Variants in PARD3 observed in about 807,000 individuals in gnomAD.
The protein encoded by PARD3 is par-3 family cell polarity regulator, also known as partitioning defective 3 homolog.
PARD3 carries 75 observed loss-of-function variants against 155.4 expected under a neutral mutation model. The observed-to-expected ratio is 0.48, with a 90% CI of 0.40 to 0.58. PARD3 has a LOEUF of 0.58. Ranked by LOEUF, PARD3 falls within the 20% of genes least tolerant of loss-of-function variation. The probability of loss-of-function intolerance (pLI) is 0.00; values close to 1 mark genes in which losing one functional copy is unlikely to be tolerated. For missense variants in PARD3, 1,642 were observed against 1,721.7 expected (o/e 0.95, Z 0.82); for synonymous variants, 576 against 610.5 (o/e 0.94, Z 0.83).
chr10:34,633,045 T>A (rs1323737124), intron 2 of PARD3, among the ~76,000 whole-genome samples: 1 of 152,250 alleles, frequency 6.6e-6, no homozygotes, highest in Non-Finnish European at 1.5e-5. Flanking sequence ...TTTCTTAAAT[T>A]TCTCTTGTAT....
At chr10:34,491,946 C>CA (rs2079939579) in intron 3 of PARD3, among the ~76,000 whole-genome samples, 1 of 152,210 alleles carries the variant, frequency 6.6e-6, no homozygotes, top group South Asian at 2.1e-4. Context: ...GCAGCATTTC[C>CA]AGTAGGCTTA....
At chr10:34,489,268 T>C (rs2079710706) in intron 3 of PARD3, among the ~76,000 whole-genome samples, 1 of 152,126 alleles carries the variant, frequency 6.6e-6, no homozygotes. Flanking sequence ...TCGTTTGAAC[T>C]GGAAGGCCAA....
At chr10:34,197,046 C>T (rs986569969) in intron 22 of PARD3, among the ~76,000 whole-genome samples, 2 of 152,118 alleles carry the variant, frequency 1.3e-5, no homozygotes, top group Non-Finnish European at 2.9e-5. Flanking sequence ...CATCCTGTGC[C>T]TTCCCATCTG....
intron 14 of PARD3, among the ~76,000 whole-genome samples, chr10:34,351,976 G>C (rs982855419): frequency 5.3e-5 from 8 of 152,104 alleles, no homozygotes; most frequent in African/African-American, 1.9e-4. Context: ...CATTCTAAGA[G>C]GGTTAAGCCT....
chr10:34,248,701 G>C (rs1043937342), intron 22 of PARD3, among the ~76,000 whole-genome samples: 1 of 152,202 alleles, frequency 6.6e-6, no homozygotes, highest in Non-Finnish European at 1.5e-5. Flanking sequence ...CTGTGAAGCC[G>C]CAAAGGCAGG....
chr10:34,446,880 T>C (rs1480291446), intron 5 of PARD3, among the ~76,000 whole-genome samples: 2 of 152,210 alleles, frequency 1.3e-5, no homozygotes, highest in Admixed American at 6.5e-5. Context: ...AGATGAAATA[T>C]GTAAAACATT....
At chr10:34,508,602 A>G (rs190426838) in intron 3 of PARD3, among the ~76,000 whole-genome samples, 1 of 152,360 alleles carries the variant, frequency 6.6e-6, no homozygotes, top group Admixed American at 6.5e-5. Flanking sequence ...CTTGGACTCA[A>G]TGATTTGCAC....
At chr10:34,673,717 A>G (rs980380963) in intron 2 of PARD3, among the ~76,000 whole-genome samples, 13 of 152,222 alleles carry the variant, frequency 8.5e-5, no homozygotes, top group Admixed American at 2.6e-4. Flanking sequence ...TTAGGAATCA[A>G]AGTTATTCTC....
intron 19 of PARD3, among the ~76,000 whole-genome samples, chr10:34,326,625 TGA>T (rs1220733975): frequency 6.6e-6 from 1 of 152,216 alleles, no homozygotes. Flanking sequence ...GGTAGAATAC[TGA>T]GAGTAGAAAA....
intron 20 of PARD3, among the ~76,000 whole-genome samples, chr10:34,298,769 AATG>A (rs1471016797): frequency 3.9e-5 from 6 of 152,234 alleles, no homozygotes; most frequent in African/African-American, 1.4e-4. Context: ...CACGATTTAA[AATG>A]ATAACAACAA....
chr10:34,644,549 A>T (rs745343511), intron 2 of PARD3, among the ~76,000 whole-genome samples: 16 of 152,250 alleles, frequency 1.1e-4, no homozygotes, highest in Non-Finnish European at 2.2e-4. Flanking sequence ...GCCAGTGCAC[A>T]GGAAATCCCA....
intron 23 of PARD3, among the ~76,000 whole-genome samples, chr10:34,121,777 T>C (rs1226125461): frequency 1.3e-5 from 2 of 152,230 alleles, no homozygotes; most frequent in Non-Finnish European, 2.9e-5. Flanking sequence ...TGTGAGGAGA[T>C]TAGGCTTTAC....
At chr10:34,163,285 G>GA (rs1949371362) in intron 22 of PARD3, among the ~76,000 whole-genome samples, 1 of 152,152 alleles carries the variant, frequency 6.6e-6, no homozygotes, top group African/African-American at 2.4e-5. Context: ...AGGCGTGGGA[G>GA]AAAACAATTA....
chr10:34,233,734 G>A lies in PARD3; in HGVS notation c.3419+35923C>T, dbSNP rs771412666. ...GCTCTAGGTTTAAAATCGCTCTCTC[G>A]TCTATTTATTTCTATCCCATCCCAC... On this transcript the variant is annotated intron_variant, in intron 22 of 24. Coordinates refer to ENST00000374788, the MANE Select transcript of PARD3 (RefSeq NM_001184785.2). Among the ~76,000 whole-genome samples, 7 of 151,934 alleles carry A rather than the reference G, an allele frequency of 4.6e-5. No homozygotes were observed. The East Asian group carries it at 5.8e-4, about 13-fold the overall frequency.
At chr10:34,500,067 A>G (rs2080578369) in intron 3 of PARD3, among the ~76,000 whole-genome samples, 2 of 152,256 alleles carry the variant, frequency 1.3e-5, no homozygotes, top group Non-Finnish European at 2.9e-5. Flanking sequence ...GGCTGAAGCC[A>G]TGGATGTAGA....
At chr10:34,585,751 T>C (rs958559828) in intron 2 of PARD3, among the ~76,000 whole-genome samples, 1 of 152,164 alleles carries the variant, frequency 6.6e-6, no homozygotes, top group Non-Finnish European at 1.5e-5. Flanking sequence ...TATATACTTT[T>C]GCTAAAGGCT....
intron 23 of PARD3, among the ~76,000 whole-genome samples, chr10:34,121,178 G>T (rs117177734): frequency 1.3e-5 from 2 of 152,118 alleles, no homozygotes; most frequent in African/African-American, 4.8e-5. Flanking sequence ...CGTGTATACC[G>T]CATGGTATAG....
chr10:34,486,993 C>A (rs140865299), intron 3 of PARD3, among the ~76,000 whole-genome samples: 1 of 152,080 alleles, frequency 6.6e-6, no homozygotes, highest in Non-Finnish European at 1.5e-5. Flanking sequence ...TCATCCTCTA[C>A]AAAGCACTCA....
chr10:34,462,907 A>C (rs1589665427), intron 4 of PARD3, among the ~76,000 whole-genome samples: 1 of 74,876 alleles, frequency 1.3e-5, no homozygotes, highest in African/African-American at 5.3e-5. Context: ...AGAAAGGGGG[A>C]GAGGAGGGGA....
Sources: allele counts gnomAD v4.1 joint callset (sites outside exome capture counted in the v4.1 genomes callset), GRCh38; gene constraint gnomAD v4.1.1; transcripts MANE v1.5; gene names NCBI Gene and HGNC (gene_info 2026-07-23, HGNC 2026-07-21).